KDM6A: variants seen among roughly 807,000 people sequenced by gnomAD.
The protein encoded by KDM6A is lysine demethylase 6A, also known as lysine-specific demethylase 6A.
A neutral mutation model predicts 117.6 loss-of-function variants in KDM6A; 11 were observed. That is an observed-to-expected ratio of 0.09 (90% CI 0.06 to 0.15). The LOEUF is 0.15. Among genes scored for constraint, KDM6A ranks in the 10% least tolerant of loss-of-function variants. KDM6A has a pLI of 1.00. For missense variants in KDM6A, 799 were observed against 1,077.3 expected (o/e 0.74, Z 3.62); for synonymous variants, 384 against 396.1 (o/e 0.97, Z 0.36).
intron 2 of KDM6A, among the ~76,000 whole-genome samples, chrX:44,928,433 A>G (rs7064102): frequency 0.12 from 13,269 of 111,623 alleles, 902 homozygotes; most frequent in African/African-American, 0.26. Flanking sequence ...AATATCAGAA[A>G]CAAACATCCG....
chrX:44,879,411 A>G (rs1386980953), intron 2 of KDM6A, among the ~76,000 whole-genome samples: 1 of 112,271 alleles, frequency 8.9e-6, no homozygotes, highest in Non-Finnish European at 1.9e-5. Flanking sequence ...TAGGACTCAC[A>G]TGTATTATTT....
At chrX:45,013,088 G>A (rs1275685716) in intron 5 of KDM6A, among the ~76,000 whole-genome samples, 2 of 111,562 alleles carry the variant, frequency 1.8e-5, no homozygotes, top group African/African-American at 6.5e-5. Flanking sequence ...TAGTCTTAGA[G>A]ATAATTTAGT....
At position 45,040,143 on chromosome X, in the gene KDM6A, A is replaced by AC. The variant is rs1193446735; in HGVS notation, c.654+2461dup. On this transcript the variant is annotated intron_variant, in intron 8 of 29. Transcript: ENST00000611820. ...GGGCGGCTGGCCGGGCGGGGGGCTG[A>AC]CCCCCCCACCATCCTCCCGGACGGG... Among the ~76,000 whole-genome samples the AC allele has an allele frequency of 5.7e-4, 34 of 59,961 alleles. No homozygotes were observed. In the East Asian group the frequency reaches 9.6e-3, roughly 17 times the overall value. The allele number at this position is 59,961 out of a possible 115,157, so 52.1% of individuals were successfully genotyped here.
intron 9 of KDM6A, among the ~76,000 whole-genome samples, chrX:45,053,142 ATTC>A (rs1242692003): frequency 9.0e-6 from 1 of 111,468 alleles, no homozygotes; most frequent in African/African-American, 3.3e-5. Flanking sequence ...TATCTTGGAG[ATTC>A]TTAATTGGCT....
chrX:45,072,419 T>G (rs1272984353), intron 18 of KDM6A, among the ~76,000 whole-genome samples: 1 of 109,529 alleles, frequency 9.1e-6, no homozygotes, highest in African/African-American at 3.5e-5. Context: ...TTTTATATTA[T>G]AGGTTTTTAT....
At chrX:45,023,593 C>G (rs186545933) in intron 6 of KDM6A, among the ~76,000 whole-genome samples, 3 of 111,526 alleles carry the variant, frequency 2.7e-5, no homozygotes, top group African/African-American at 9.8e-5. Flanking sequence ...ATTATAGCCA[C>G]CCACATGATT....
chrX:44,949,843 G>T (rs1418289277), intron 2 of KDM6A, among the ~76,000 whole-genome samples: 1 of 111,527 alleles, frequency 9.0e-6, no homozygotes, highest in Non-Finnish European at 1.9e-5. Flanking sequence ...TAATTTTGCT[G>T]CAGGCGGGCT....
At chrX:44,984,055 C>T (rs2040054527) in intron 4 of KDM6A, among the ~76,000 whole-genome samples, 1 of 110,872 alleles carries the variant, frequency 9.0e-6, no homozygotes, top group Non-Finnish European at 1.9e-5. Flanking sequence ...TATTTCTCTA[C>T]ATCCTCTCCA....
At chrX:45,087,282 C>G (rs2045684750) in intron 25 of KDM6A, among the ~76,000 whole-genome samples, 1 of 113,316 alleles carries the variant, frequency 8.8e-6, no homozygotes, top group African/African-American at 3.2e-5. Context: ...AGCCACCACG[C>G]CCAGCCCCAT....
chrX:44,993,641 G>A (rs765524907), intron 4 of KDM6A, among the ~76,000 whole-genome samples: 15 of 111,272 alleles, frequency 1.3e-4, no homozygotes, highest in African/African-American at 4.6e-4. Flanking sequence ...AGCTCTCCTC[G>A]CGGATCACGA....
At chrX:45,098,108 C>T (rs1371721833) in intron 27 of KDM6A, among the ~76,000 whole-genome samples, 1 of 111,622 alleles carries the variant, frequency 9.0e-6, no homozygotes, top group Non-Finnish European at 1.9e-5. Context: ...TCCTTTAGAC[C>T]AAACTTTAAG....
intron 4 of KDM6A, among the ~76,000 whole-genome samples, chrX:44,985,233 G>A (rs2040148934): frequency 8.9e-6 from 1 of 111,787 alleles, no homozygotes; most frequent in Non-Finnish European, 1.9e-5. Context: ...GTATAAGAAT[G>A]CTTATGATTT....
At chrX:45,004,261 G>A (rs1166335220) in intron 4 of KDM6A, among the ~76,000 whole-genome samples, 1 of 111,063 alleles carries the variant, frequency 9.0e-6, no homozygotes, top group Admixed American at 9.6e-5. Context: ...GGAGACTGGG[G>A]TCCTTTAAAA....
At chrX:45,092,010 A>G (rs2045912413) in intron 27 of KDM6A, among the ~76,000 whole-genome samples, 1 of 111,374 alleles carries the variant, frequency 9.0e-6, no homozygotes, top group African/African-American at 3.3e-5. Context: ...GTAGAAGGGT[A>G]GGGGAGACAA....
intron 29 of KDM6A, 101 bp from the exon 30 acceptor site, chrX:45,111,281 G>A (rs889291337): frequency 7.1e-6 from 5 of 702,375 alleles, no homozygotes; most frequent in East Asian, 6.4e-5. Context: ...TGAACTTTTT[G>A]AGAGTTATTT....
At chrX:45,013,138 T>G (rs1346637348) in intron 5 of KDM6A, among the ~76,000 whole-genome samples, 1 of 109,586 alleles carries the variant, frequency 9.1e-6, no homozygotes, top group Non-Finnish European at 1.9e-5. Flanking sequence ...AGCAAGGGGG[T>G]GTGTGTGTGT....
At chrX:45,063,126 G>C (rs919985390) in intron 16 of KDM6A, among the ~76,000 whole-genome samples, 1 of 110,321 alleles carries the variant, frequency 9.1e-6, no homozygotes, top group Non-Finnish European at 1.9e-5. Flanking sequence ...CTATAAGTTC[G>C]GGGTCGTTTT....
chrX:44,957,694 A>G (rs961471832), intron 2 of KDM6A, among the ~76,000 whole-genome samples: 1 of 111,385 alleles, frequency 9.0e-6, no homozygotes, highest in African/African-American at 3.3e-5. Flanking sequence ...AGGATTATGG[A>G]TGTGCAATCC....
intron 3 of KDM6A, among the ~76,000 whole-genome samples, chrX:44,965,617 A>G (rs12839434): frequency 8.9e-6 from 1 of 112,093 alleles, no homozygotes; most frequent in Non-Finnish European, 1.9e-5. Flanking sequence ...TGCAACAGTT[A>G]TCGATTGTTT....
Sources: allele counts gnomAD v4.1 joint callset (sites outside exome capture counted in the v4.1 genomes callset), GRCh38; gene constraint gnomAD v4.1.1; transcripts MANE v1.5; gene names NCBI Gene and HGNC (gene_info 2026-07-23, HGNC 2026-07-21).